Variants in CATSPERG observed in about 807,000 individuals in gnomAD.
CATSPERG encodes the protein cation channel sperm-associated auxiliary subunit gamma.
A neutral mutation model predicts 145.0 loss-of-function variants in CATSPERG; 115 were observed. That is an observed-to-expected ratio of 0.79 (90% confidence interval 0.68 to 0.93). The LOEUF (loss-of-function observed/expected upper bound fraction) is 0.93, where lower values mean the gene tolerates loss of function less well. Among genes scored for constraint, CATSPERG ranks in the 40% least tolerant of loss-of-function variants. The pLI is 0.00. For missense variants in CATSPERG, 1,296 were observed against 1,490.1 expected, an observed-to-expected ratio of 0.87 and a Z score of 2.14; for synonymous variants, 588 against 589.0, an observed-to-expected ratio of 1.00 and a Z score of 0.02.
chr19:38,356,489 C>A lies in CATSPERG; in HGVS notation c.1141C>A (p.Gln381Lys). Residue 381 changes from glutamine to lysine, a missense_variant, in exon 10 of 29, where the codon CAG becomes AAG. Gln to Lys is a moderately conservative substitution (Grantham distance 53, BLOSUM62 1). Transcript: ENST00000409235. ...YVHFGTIRDG[Q>K]VSFEMLPRQW... is the part of the protein sequence containing the mutation. Reference sequence around the variant, plus strand: ...AACCCGACCTTGCTCTGCAGATGGCCAGGTGTCCTTTGAGATGCTGCCCAG... The same window carrying A: ...AACCCGACCTTGCTCTGCAGATGGCAAGGTGTCCTTTGAGATGCTGCCCAG... 1.2e-6 allele frequency: 2 copies of A among 1,613,962 alleles called. No homozygotes were observed. The highest frequency in any genetic ancestry group is 1.7e-6 in the Non-Finnish European group (2 of 1,179,958).
chr19:38,353,048 A>G (rs1317385788), intron 8 of CATSPERG, among the ~76,000 whole-genome samples: 1 of 147,198 alleles, frequency 6.8e-6, no homozygotes, highest in East Asian at 2.0e-4. Context: ...AAAAAAAAAA[A>G]AAAAGCTGGG....
Position 38,337,359 on chromosome 19 carries a change from A to G in CATSPERG, c.125A>G (p.Gln42Arg). Residue 42 changes from glutamine to arginine, a missense_variant, in exon 2 of 29, where the codon CAG becomes CGG. Coordinates refer to ENST00000409235, the MANE Select transcript of CATSPERG (RefSeq NM_021185.5). ...AGGCTGTGGGCGATCAAGGATTTCCAGGAATGCACCTGGCAGGTTGTCCTG... is the reference window on the plus strand; with the variant it reads ...AGGCTGTGGGCGATCAAGGATTTCCGGGAATGCACCTGGCAGGTTGTCCTG... ...SWRLWAIKDF[Q>R]ECTWQVVLNE... 8 of 1,551,716 alleles carry G rather than the reference A, an allele frequency of 5.2e-6. No homozygotes were observed. The highest frequency in any genetic ancestry group is 6.1e-6 in the Non-Finnish European group (7 of 1,147,000).
chr19:38,350,738 C>T lies in CATSPERG; in HGVS notation c.826-1523C>T, dbSNP rs143008734. 8.4e-3 allele frequency among the ~76,000 whole-genome samples: 1,274 copies of T among 152,174 alleles called. 18 individuals carry two copies. The highest frequency in any genetic ancestry group is 0.029 in the African/African-American group (1,198 of 41,518). On this transcript the variant is annotated intron_variant, in intron 7 of 28. Transcript: ENST00000409235. ...GTGTGGTGGCTCAGGCCTGTAATCC[C>T]AACATTTTGGGAAGCCAAGGTGAGC...
chr19:38,351,698 G>A (rs1385560152), intron 7 of CATSPERG, among the ~76,000 whole-genome samples: 1 of 152,070 alleles, frequency 6.6e-6, no homozygotes, highest in Non-Finnish European at 1.5e-5. Flanking sequence ...CTTGAGCACA[G>A]GAGTTCAAGA....
Position 38,344,155 on chromosome 19 carries a change from C to A in CATSPERG, c.596+36C>A, listed in dbSNP as rs369579522. 24 of 1,550,726 alleles carry A rather than the reference C, an allele frequency of 1.5e-5. No individual in the cohort carries two copies. In the East Asian group the frequency reaches 5.9e-4, roughly 38 times the overall value. On this transcript the variant is annotated intron_variant, in intron 5 of 28. Coordinates refer to ENST00000409235, the MANE Select transcript of CATSPERG (RefSeq NM_021185.5). ...CCAAGACGGGGGCTGGGGTGGACTC[C>A]GGGGGAATTCCTCACCCCAGGGTCC...
Position 38,356,728 on chromosome 19 carries a change from C to T in CATSPERG, c.1196-14C>T. On this transcript the variant is annotated splice_polypyrimidine_tract_variant and intron_variant, in intron 10 of 28. Transcript: ENST00000409235. The stretch of plus-strand genomic sequence containing the variant: ...AGCCCTGGGGCGGCTCTGGACTGCC[C>T]CTTTCCCTCTCAGTTACCACCTGCT... 6.2e-7 allele frequency: 1 copy of T among 1,613,772 alleles called. No homozygotes were observed. The highest frequency in any genetic ancestry group is 8.5e-7 in the Non-Finnish European group (1 of 1,179,860).
In CATSPERG at chr19:38,359,474, A is replaced by T; in HGVS notation, c.1501A>T (p.Asn501Tyr). The change falls in exon 14 of 29, where the codon AAC (asparagine) becomes TAC (tyrosine). Residue 501 changes from asparagine (N) to tyrosine (Y), a missense_variant. Coordinates refer to ENST00000409235, the MANE Select transcript of CATSPERG (RefSeq NM_021185.5). Reference sequence around the variant, plus strand: ...TCTCCATCTCTGTCCCTGCAGCTCTAACAAGGAAAACTTCATCTACCTGGC... The same window carrying T: ...TCTCCATCTCTGTCCCTGCAGCTCTTACAAGGAAAACTTCATCTACCTGGC... Reference protein sequence around the residue: ...IWGNFLLQSSNKENFIYLADF... With the variant: ...IWGNFLLQSSYKENFIYLADF... 1 of 1,611,082 alleles carries T rather than the reference A, an allele frequency of 6.2e-7. No individual in the cohort carries two copies. The highest frequency in any genetic ancestry group is 1.1e-5 in the South Asian group (1 of 91,028).
chr19:38,364,807 C>A, intron 20 of CATSPERG, 84 bp from the exon 21 acceptor site: 1 of 1,086,860 alleles, frequency 9.2e-7, no homozygotes, highest in Non-Finnish European at 1.4e-6. Flanking sequence ...CTCGCCCCAG[C>A]TATGGGTTAT....
intron 3 of CATSPERG, 25 bp from the exon 4 acceptor site, chr19:38,343,555 A>G: frequency 6.5e-7 from 1 of 1,528,302 alleles, no homozygotes; most frequent in Admixed American, 2.1e-5. Flanking sequence ...ATAAGGACAC[A>G]CTTGTGGGGC....
intron 26 of CATSPERG, among the ~76,000 whole-genome samples, chr19:38,368,559 T>G (rs1970495316): frequency 6.6e-6 from 1 of 152,234 alleles, no homozygotes; most frequent in Non-Finnish European, 1.5e-5. Context: ...TTTTTATTTT[T>G]GAGATGGAGT....
At chr19:38,353,379 A>G (rs1475653274) in intron 8 of CATSPERG, among the ~76,000 whole-genome samples, 1 of 151,046 alleles carries the variant, frequency 6.6e-6, no homozygotes, top group Non-Finnish European at 1.5e-5. Flanking sequence ...AAGAGAGACT[A>G]TTCAACTTAA....
Position 38,352,325 on chromosome 19 carries a change from T to C in CATSPERG, c.890T>C (p.Ile297Thr). Residue 297 changes from isoleucine (I) to threonine (T), a missense_variant, in exon 8 of 29, where the codon ATC becomes ACC. By Grantham distance (89) the Ile-to-Thr change is moderately conservative (BLOSUM62 -1). Transcript: ENST00000409235. ...YCPHSGFTATIYDTIATESTL... is the reference protein window; with the variant it reads ...YCPHSGFTATTYDTIATESTL... ...CCCCATTCTGGCTTCACAGCCACCA[T>C]CTATGACACTATTGCCACCGAGAGC... 6 of 1,551,712 alleles carry C rather than the reference T, an allele frequency of 3.9e-6. No homozygotes were observed. The highest frequency in any genetic ancestry group is 5.2e-6 in the Non-Finnish European group (6 of 1,147,114).
At chr19:38,339,079 G>A (rs1486602428) in intron 3 of CATSPERG, among the ~76,000 whole-genome samples, 1 of 152,140 alleles carries the variant, frequency 6.6e-6, no homozygotes. Flanking sequence ...CGAGCTCTGG[G>A]AGCCCACGCT....
chr19:38,352,594 CCTT>C, intron 8 of CATSPERG, 162 bp downstream of exon 8: 1 of 525,626 alleles, frequency 1.9e-6, no homozygotes, highest in Non-Finnish European at 3.3e-6. Context: ...CTTGCCTTGC[CCTT>C]TTTTTTTTTT....
chr19:38,369,701 A>G (rs770676699), intron 26 of CATSPERG: 8 of 514,706 alleles, frequency 1.6e-5, no homozygotes, highest in Admixed American at 9.7e-5. Context: ...CATATGATAG[A>G]TACACAGCCT....
At chr19:38,341,395 C>T (rs1274678568) in intron 3 of CATSPERG, among the ~76,000 whole-genome samples, 2 of 152,140 alleles carry the variant, frequency 1.3e-5, no homozygotes, top group Non-Finnish European at 2.9e-5. Flanking sequence ...GAAGGAGGTC[C>T]CTGCCCCACT....
chr19:38,362,536 C>A lies in CATSPERG; in HGVS notation c.2318C>A (p.Ser773Ter). 6.2e-7 allele frequency: 1 copy of A among 1,613,882 alleles called. No individual in the cohort carries two copies. The highest frequency in any genetic ancestry group is 8.5e-7 in the Non-Finnish European group (1 of 1,180,036). ...GTEYSFAIFL[S>*]AQGHSFRTQS... ...GAGTACAGCTTCGCCATCTTCCTGT[C>A]GGCGCAGGGCCACTCGTTCCGGACG... Residue 773 changes from serine (S) to a stop codon, truncating the protein, a stop_gained, in exon 19 of 29, where the codon TCG becomes TAG. Transcript: ENST00000409235. LOFTEE classifies it high-confidence loss of function.
At position 38,337,376 on chromosome 19, in the gene CATSPERG, G is replaced by A. The variant is rs574724371; in HGVS notation, c.142G>A (p.Val48Ile). 6.4e-7 allele frequency: 1 copy of A among 1,551,816 alleles called. No individual in the cohort carries two copies. Among genetic ancestry groups the A allele is most frequent in the Non-Finnish European group, 8.7e-7 (1 of 1,147,030 alleles). The stretch of plus-strand genomic sequence containing the variant: ...GGATTTCCAGGAATGCACCTGGCAG[G>A]TTGTCCTGAACGAGTTTAAGAGGGT... ...IKDFQECTWQ[V>I]VLNEFKRVGE... is the part of the protein sequence containing the mutation. Residue 48 changes from valine (V) to isoleucine (I), a missense_variant, in exon 2 of 29, where the codon GTT (valine) becomes ATT (isoleucine). Val to Ile is a conservative substitution (Grantham distance 29, BLOSUM62 3). Transcript: ENST00000409235.
In CATSPERG at chr19:38,368,036, G is replaced by C. The variant is rs369729633; in HGVS notation, c.2931-12G>C. On this transcript the variant is annotated splice_polypyrimidine_tract_variant and intron_variant, in intron 25 of 28. Coordinates refer to ENST00000409235, the MANE Select transcript of CATSPERG (RefSeq NM_021185.5). ...CCCCAACCCCTGGCTGAGATGACCT[G>C]GGCCTGCACAGGACCAACAGCCTTA... 1 of 1,613,446 alleles carries C rather than the reference G, an allele frequency of 6.2e-7. No homozygotes were observed. The highest frequency in any genetic ancestry group is 8.5e-7 in the Non-Finnish European group (1 of 1,179,572).
Sources: gnomAD v4.1 joint callset for allele counts (sites outside exome capture counted in the v4.1 genomes callset) on GRCh38, gnomAD v4.1.1 for gene constraint, MANE v1.5 for transcripts, NCBI Gene and HGNC (gene_info 2026-07-23, HGNC 2026-07-21) for gene names.